The following SALL3 variants were observed in gnomAD, a reference collection of about 807,000 sequenced individuals.
The protein encoded by SALL3 is spalt like transcription factor 3.
Under a neutral mutation model 66.2 loss-of-function variants are expected in SALL3, and 25 were observed. The observed-to-expected ratio is 0.38, with a 90% CI of 0.28 to 0.53. The LOEUF is 0.53. SALL3 is among the 20% of genes least tolerant of loss of function. The pLI, the probability that SALL3 is intolerant of heterozygous loss-of-function variation, is 0.85. For missense variants in SALL3, 2,194 were observed against 1,916.5 expected (o/e 1.14, Z -2.70); for synonymous variants, 1,152 against 899.1 (o/e 1.28, Z -5.03).
intron 1 of SALL3, among the ~76,000 whole-genome samples, chr18:78,985,753 G>A (rs564573275): frequency 3.9e-5 from 6 of 152,268 alleles, no homozygotes; most frequent in South Asian, 4.2e-4. Flanking sequence ...GTGGTTTTGC[G>A]TATTTATTTC....
chr18:78,992,094 G>T lies in SALL3; in HGVS notation c.103G>T (p.Glu35Ter). 1 of 1,558,056 alleles carries T rather than the reference G, an allele frequency of 6.4e-7. No homozygotes were observed. The highest frequency in any genetic ancestry group is 8.7e-7 in the Non-Finnish European group (1 of 1,150,870). The change falls in exon 2 of 3, where the codon GAG (glutamate) becomes TAG (stop). Residue 35 changes from glutamate (E) to a stop codon, truncating the protein, a stop_gained. Coordinates refer to ENST00000537592, the MANE Select transcript of SALL3 (RefSeq NM_171999.4). LOFTEE classifies it high-confidence loss of function. ...TGCAGCCGCCCCGGGGGAAGGTGCG[G>T]AGGACGCAGACAGCGGGCCCGAGAG... ...PEHAAPGEGA[E>*]DADSGPESRS...
intron 1 of SALL3, among the ~76,000 whole-genome samples, chr18:78,983,515 G>T (rs1210501752): frequency 6.6e-6 from 1 of 151,962 alleles, no homozygotes; most frequent in Non-Finnish European, 1.5e-5. Context: ...GCTTCAAAGT[G>T]TGTTTTTTTT....
chr18:78,988,445 C>A (rs1421697174), intron 1 of SALL3, among the ~76,000 whole-genome samples: 2 of 152,184 alleles, frequency 1.3e-5, no homozygotes, highest in Non-Finnish European at 2.9e-5. Context: ...AGCCAGCACT[C>A]CTCAGTCTGC....
chr18:78,982,401 C>G (rs1195162476), intron 1 of SALL3, among the ~76,000 whole-genome samples: 1 of 152,230 alleles, frequency 6.6e-6, no homozygotes, highest in Non-Finnish European at 1.5e-5. Flanking sequence ...TCATGTTTTG[C>G]AAGAGGCCCA....
chr18:78,993,119 G>T lies in SALL3; in HGVS notation c.1128G>T (p.Pro376=), dbSNP rs533378652. The T allele has an allele frequency of 3.1e-6, 5 of 1,604,598 alleles. No individual in the cohort carries two copies. Among genetic ancestry groups the T allele is most frequent in the Non-Finnish European group, 4.2e-6 (5 of 1,177,526 alleles). Residue 376 remains proline (P), a synonymous_variant, in exon 2 of 3, where the codon CCG becomes CCT. Coordinates refer to ENST00000537592, the MANE Select transcript of SALL3 (RefSeq NM_171999.4). ...CCAGCGGCGTCATCTTCCCCAACCCGCTGGTCAGCATCGCGGCCACGGCCA... is the reference window on the plus strand; with the variant it reads ...CCAGCGGCGTCATCTTCCCCAACCCTCTGGTCAGCATCGCGGCCACGGCCA... The part of the protein sequence containing the change: ...TSASGVIFPN[P]LVSIAATANA...
intron 1 of SALL3, among the ~76,000 whole-genome samples, chr18:78,984,626 A>C (rs1306034675): frequency 8.5e-6 from 1 of 117,156 alleles, no homozygotes; most frequent in African/African-American, 2.9e-5. Context: ...ACTTTTATTT[A>C]AAAAAAAAAA....
chr18:78,981,884 A>G (rs1914086445), intron 1 of SALL3, among the ~76,000 whole-genome samples: 4 of 152,208 alleles, frequency 2.6e-5, no homozygotes, highest in Admixed American at 2.6e-4. Context: ...AATGAGAAAG[A>G]CAGTCTTTCC....
Position 78,992,635 on chromosome 18 carries a change from A to T in SALL3, c.644A>T (p.Gln215Leu). 4 of 1,550,976 alleles carry T rather than the reference A, an allele frequency of 2.6e-6. No homozygotes were observed. Among genetic ancestry groups the T allele is most frequent in the Non-Finnish European group, 3.5e-6 (4 of 1,155,082 alleles). ...ILEQLMALQQ[Q>L]QIHQLQLIEQ... ...GAACAGCTCATGGCCCTGCAGCAGC[A>T]GCAGATCCACCAGCTGCAGCTCATC... is the stretch of plus-strand genomic sequence containing the variant. Residue 215 changes from glutamine to leucine, a missense_variant, in exon 2 of 3, where the codon CAG (glutamine) becomes CTG (leucine). Coordinates refer to ENST00000537592, the MANE Select transcript of SALL3 (RefSeq NM_171999.4).
Position 78,997,712 on chromosome 18 carries a change from G to A in SALL3, c.*390G>A, listed in dbSNP as rs116884435. 2,010 of 217,992 alleles carry A rather than the reference G, an allele frequency of 9.2e-3. 12 individuals carry two copies. Among genetic ancestry groups the A allele is most frequent in the Non-Finnish European group, 0.011 (1,159 of 109,774 alleles). 13.5% of individuals were successfully genotyped at this position (217,992 alleles called of 1,614,324 possible). A position where few individuals can be genotyped will look rare whatever the true frequency, so the allele number is the denominator to read the frequency against. The stretch of plus-strand genomic sequence containing the variant: ...TTTTGAATTAGTTAGACACTTGAAC[G>A]GTGTTTTTTAGAACTCTTCATGTTA... On this transcript the variant is annotated 3_prime_UTR_variant, in exon 3 of 3. Coordinates refer to ENST00000537592, the MANE Select transcript of SALL3 (RefSeq NM_171999.4).
Position 78,992,794 on chromosome 18 carries a change from C to A in SALL3, c.803C>A (p.Ala268Asp). The A allele has an allele frequency of 1.7e-5, 17 of 985,132 alleles. No individual in the cohort carries two copies. The highest frequency in any genetic ancestry group is 2.0e-5 in the Non-Finnish European group (17 of 831,492). The allele number at this position is 985,132 out of a possible 1,614,324, so 61.0% of individuals were successfully genotyped here. Reference sequence around the variant, plus strand: ...GGGCTGGCCGCGCTCCCGCTGTCGGCCGGGGCCCCTGCCGCCGCCATCGCG... The same window carrying A: ...GGGCTGGCCGCGCTCCCGCTGTCGGACGGGGCCCCTGCCGCCGCCATCGCG... ...LPGLAALPLS[A>D]GAPAAAIAGS... The change falls in exon 2 of 3, where the codon GCC becomes GAC. Residue 268 changes from alanine to aspartate, a missense_variant. Ala to Asp is a moderately radical substitution (Grantham distance 126). Transcript: ENST00000537592.
chr18:78,997,397 C>T lies in SALL3; in HGVS notation c.*75C>T. 2 of 1,446,834 alleles carry T rather than the reference C, an allele frequency of 1.4e-6. No homozygotes were observed. The highest frequency in any genetic ancestry group is 1.9e-6 in the Non-Finnish European group (2 of 1,049,272). The allele number at this position is 1,446,834 out of a possible 1,614,324, so 89.6% of individuals were successfully genotyped here. On this transcript the variant is annotated 3_prime_UTR_variant, in exon 3 of 3. Coordinates refer to ENST00000537592, the MANE Select transcript of SALL3 (RefSeq NM_171999.4). The stretch of plus-strand genomic sequence containing the variant: ...GCATCAGGCCTCCGACCTTTCTTGC[C>T]TCGGTTCTCATTACACTTTCACCCA...
At chr18:78,991,745 G>A (rs1005427945) in intron 1 of SALL3, 1 of 316,242 alleles carries the variant, frequency 3.2e-6, no homozygotes, top group African/African-American at 2.1e-5. Context: ...GATGGTAAAG[G>A]GGAATCCTAA....
chr18:78,993,427 T>A lies in SALL3; in HGVS notation c.1436T>A (p.Met479Lys). 1 of 1,612,886 alleles carries A rather than the reference T, an allele frequency of 6.2e-7. No individual in the cohort carries two copies. The highest frequency in any genetic ancestry group is 8.5e-7 in the Non-Finnish European group (1 of 1,179,924). The change falls in exon 2 of 3, where the codon ATG (methionine) becomes AAG (lysine). Residue 479 changes from methionine (M) to lysine (K), a missense_variant. Transcript: ENST00000537592. The stretch of plus-strand genomic sequence containing the variant: ...AAGGAGAAGTACCCCCACATCCAGA[T>A]GAACCCTTACCCGGTCCCCGAGTAC... The part of the protein sequence containing the change: ...RHKEKYPHIQ[M>K]NPYPVPEYLD...
chr18:78,993,128 C>A lies in SALL3; in HGVS notation c.1137C>A (p.Ser379Arg). ...SGVIFPNPLV[S>R]IAATANALDP... is the part of the protein sequence containing the mutation. ...TCATCTTCCCCAACCCGCTGGTCAG[C>A]ATCGCGGCCACGGCCAACGCTCTGG... Residue 379 changes from serine (S) to arginine (R), a missense_variant, in exon 2 of 3, where the codon AGC becomes AGA. Ser to Arg is a moderately radical substitution (Grantham distance 110). Transcript: ENST00000537592. 6.2e-7 allele frequency: 1 copy of A among 1,605,250 alleles called. No homozygotes were observed. The highest frequency in any genetic ancestry group is 1.3e-5 in the African/African-American group (1 of 74,908).
At chr18:78,996,362 G>A (rs1253012500) in intron 2 of SALL3, among the ~76,000 whole-genome samples, 1 of 152,262 alleles carries the variant, frequency 6.6e-6, no homozygotes, top group Admixed American at 6.5e-5. Context: ...ATCGATGCCT[G>A]TGGTTTCTAC....
chr18:78,987,227 C>T (rs182358301), intron 1 of SALL3, among the ~76,000 whole-genome samples: 10,595 of 152,112 alleles, frequency 0.07, 450 homozygotes, highest in African/African-American at 0.12. Flanking sequence ...GCCTGTCATT[C>T]TGATAGAAGA....
chr18:78,994,633 C>T lies in SALL3; in HGVS notation c.2642C>T (p.Ser881Leu), dbSNP rs772433157. ...ESDRLSNDSS[S>L]AVGDLESRSA... ...GACCGCCTGAGCAACGACTCCTCGT[C>T]GGCCGTGGGCGACCTGGAGAGCCGC... The change falls in exon 2 of 3, where the codon TCG becomes TTG. Residue 881 changes from serine to leucine, a missense_variant. Coordinates refer to ENST00000537592, the MANE Select transcript of SALL3 (RefSeq NM_171999.4). 13 of 1,608,720 alleles carry T rather than the reference C, an allele frequency of 8.1e-6. No individual in the cohort carries two copies. Among genetic ancestry groups the T allele is most frequent in the South Asian group, 7.7e-5 (7 of 90,790 alleles).
chr18:78,988,993 A>G (rs1914339523), intron 1 of SALL3, among the ~76,000 whole-genome samples: 2 of 152,246 alleles, frequency 1.3e-5, no homozygotes, highest in South Asian at 2.1e-4. Context: ...AACAGGTCCA[A>G]ATGGTCACAA....
chr18:78,992,979 C>A lies in SALL3; in HGVS notation c.988C>A (p.Gln330Lys), dbSNP rs765432093. 4.4e-6 allele frequency: 6 copies of A among 1,370,258 alleles called. No homozygotes were observed. The highest frequency in any genetic ancestry group is 2.7e-4 in the Middle Eastern group (1 of 3,674). 84.9% of individuals were successfully genotyped at this position (1,370,258 alleles called of 1,614,324 possible). A position where few individuals can be genotyped will look rare whatever the true frequency, so the allele number is the denominator to read the frequency against. The change falls in exon 2 of 3, where the codon CAG becomes AAG. Residue 330 changes from glutamine to lysine, a missense_variant. By Grantham distance (53) the Gln-to-Lys change is moderately conservative. Coordinates refer to ENST00000537592, the MANE Select transcript of SALL3 (RefSeq NM_171999.4). ...TGCCCCCGCCCCGGCGCCAGCGCCGCAGAGCGCAGCCTCGTCGCAGCCGCA... is the reference window on the plus strand; with the variant it reads ...TGCCCCCGCCCCGGCGCCAGCGCCGAAGAGCGCAGCCTCGTCGCAGCCGCA... ...PAAPAPAPAP[Q>K]SAASSQPQSA...
Sources: allele counts gnomAD v4.1 joint callset (sites outside exome capture counted in the v4.1 genomes callset), GRCh38; gene constraint gnomAD v4.1.1; transcripts MANE v1.5; gene names NCBI Gene and HGNC (gene_info 2026-07-23, HGNC 2026-07-21).